The following MPRIP variants were observed in gnomAD, a reference collection of about 807,000 sequenced individuals.
MPRIP encodes the protein myosin phosphatase Rho interacting protein.
A neutral mutation model predicts 234.9 loss-of-function variants in MPRIP; 59 were observed. That is an observed-to-expected ratio of 0.25 (90% CI 0.20 to 0.31). The LOEUF is 0.31. Ranked by LOEUF, MPRIP falls within the 10% of genes least tolerant of loss-of-function variation. MPRIP has a pLI of 1.00. For synonymous variants in MPRIP, 1,144 were observed against 1,263.9 expected (o/e 0.91, Z 2.01); for missense variants, 2,436 against 3,071.0 (o/e 0.79, Z 4.89).
At chr17:17,075,222 G>A (rs4078061) in intron 1 of MPRIP, among the ~76,000 whole-genome samples, 4,319 of 152,270 alleles carry the variant, frequency 0.028, 91 homozygotes, top group Non-Finnish European at 0.038. Flanking sequence ...GTTTCTGCAC[G>A]CAGTCACACA....
chr17:17,089,720 A>G (rs990488663), intron 3 of MPRIP, among the ~76,000 whole-genome samples: 6 of 152,116 alleles, frequency 3.9e-5, no homozygotes, highest in Admixed American at 1.3e-4. Flanking sequence ...AGATGGGGCC[A>G]CCAGAGACTG....
intron 3 of MPRIP, chr17:17,096,887 A>G (rs4985695): frequency 0.083 from 37,230 of 447,904 alleles, 2,448 homozygotes; most frequent in Admixed American, 0.17. Flanking sequence ...ATAAATATGA[A>G]AAAGCATCCT....
intron 23 of MPRIP, 74 bp downstream of exon 23, chr17:17,180,162 G>A (rs753719303): frequency 3.2e-6 from 4 of 1,244,336 alleles, no homozygotes; most frequent in African/African-American, 3.1e-5. Context: ...ATTGAAGTAT[G>A]AGTGCTCCCA....
At chr17:17,140,359 G>A (rs1164200374) in intron 7 of MPRIP, among the ~76,000 whole-genome samples, 1 of 152,106 alleles carries the variant, frequency 6.6e-6, no homozygotes, top group Non-Finnish European at 1.5e-5. Context: ...ACTGCCACAC[G>A]GGGATGGGTT....
chr17:17,100,373 A>T (rs1224534522), intron 3 of MPRIP, among the ~76,000 whole-genome samples: 1 of 152,206 alleles, frequency 6.6e-6, no homozygotes, highest in Non-Finnish European at 1.5e-5. Flanking sequence ...GAACCAGTCA[A>T]AACAAACGAA....
intron 1 of MPRIP, among the ~76,000 whole-genome samples, chr17:17,065,381 ATT>A (rs59705934): frequency 0.094 from 10,526 of 111,954 alleles, 454 homozygotes; most frequent in East Asian, 0.19. Context: ...GCTTGAGATG[ATT>A]TTTTTTTTTT....
At chr17:17,176,794 G>T (rs1307911645) in intron 21 of MPRIP, among the ~76,000 whole-genome samples, 3 of 152,244 alleles carry the variant, frequency 2.0e-5, no homozygotes, top group African/African-American at 4.8e-5. Flanking sequence ...CCTGTGAAGT[G>T]AGGCAAGGCT....
rs34685418 is a variant in MPRIP at position 17,148,368 on chromosome 17, C to CT, written c.1629+989dup. Among the ~76,000 whole-genome samples the CT allele has an allele frequency of 2.6e-3, 398 of 152,120 alleles. 2 individuals are homozygous for CT. Among genetic ancestry groups the CT allele is most frequent in the Non-Finnish European group, 5.1e-3 (347 of 67,994 alleles). On this transcript the variant is annotated intron_variant, in intron 11 of 23. Coordinates refer to ENST00000651222, the MANE Select transcript of MPRIP (RefSeq NM_001364716.4). ...ATTTGTAATATTAAGATGTCATTGA[C>CT]TTTTTTTTGCGTGTGACCATCTGCA... is the stretch of plus-strand genomic sequence containing the variant.
intron 22 of MPRIP, chr17:17,178,569 C>A (rs2046306466): frequency 6.6e-6 from 1 of 151,942 alleles, no homozygotes; most frequent in South Asian, 2.1e-4. Flanking sequence ...TAGGGGATCA[C>A]CAGGTTGCCT....
At chr17:17,184,207 C>T (rs2046429099) in intron 23 of MPRIP, among the ~76,000 whole-genome samples, 1 of 152,236 alleles carries the variant, frequency 6.6e-6, no homozygotes, top group South Asian at 2.1e-4. Context: ...TCCACGTGAA[C>T]AGAGTATTGG....
At chr17:17,159,712 C>T (rs905095540) in intron 14 of MPRIP, among the ~76,000 whole-genome samples, 7 of 152,194 alleles carry the variant, frequency 4.6e-5, no homozygotes, top group Non-Finnish European at 8.8e-5. Context: ...CAGGGAGTCT[C>T]GTAGCTGGGG....
rs570439347 is a variant in MPRIP at position 17,043,541 on chromosome 17, A to G, written c.123+570A>G. Among the ~76,000 whole-genome samples, 25 of 152,250 alleles carry G rather than the reference A, an allele frequency of 1.6e-4. No homozygotes were observed. In the South Asian group the frequency reaches 5.2e-3, roughly 32 times the overall value. ...GGACCAGTTCCCTGGTCACTGGCCGAGGGGTGAGGAGACCTGTGGGTCCTC... is the reference window on the plus strand; with the variant it reads ...GGACCAGTTCCCTGGTCACTGGCCGGGGGGTGAGGAGACCTGTGGGTCCTC... On this transcript the variant is annotated intron_variant, in intron 1 of 23. Transcript: ENST00000651222.
chr17:17,052,400 TG>T (rs2088568918), intron 1 of MPRIP, among the ~76,000 whole-genome samples: 3 of 152,178 alleles, frequency 2.0e-5, no homozygotes, highest in Admixed American at 2.0e-4. Flanking sequence ...AGGGACCTGC[TG>T]GGGCTGTCTG....
intron 21 of MPRIP, 44 bp downstream of exon 21, chr17:17,176,556 C>T (rs570978575): frequency 4.1e-6 from 6 of 1,463,658 alleles, no homozygotes; most frequent in Non-Finnish European, 5.7e-6. Context: ...GGAACAGGCT[C>T]TAGGTGACAT....
intron 3 of MPRIP, among the ~76,000 whole-genome samples, chr17:17,094,476 T>C (rs2089793427): frequency 6.6e-6 from 1 of 152,134 alleles, no homozygotes; most frequent in South Asian, 2.1e-4. Flanking sequence ...TGCCTTGGTG[T>C]GGATTTGTTT....
At position 17,190,921 on chromosome 17, in the gene MPRIP, T is replaced by A. The variant is rs1419479058; in HGVS notation, c.*6027T>A. ...TTAGAGCAAGCAATGTAAATATTAC[T>A]GAGAAGTTACTGCAGGGATTTTTGT... is the stretch of plus-strand genomic sequence containing the variant. On this transcript the variant is annotated 3_prime_UTR_variant, in exon 24 of 24. Transcript: ENST00000651222. 1.3e-5 allele frequency: 2 copies of A among 152,250 alleles called. No individual in the cohort carries two copies. The highest frequency in any genetic ancestry group is 4.8e-5 in the African/African-American group (2 of 41,462). 9.4% of individuals were successfully genotyped at this position (152,250 alleles called of 1,614,324 possible).
chr17:17,091,375 A>T (rs567037998), intron 3 of MPRIP, among the ~76,000 whole-genome samples: 1 of 152,052 alleles, frequency 6.6e-6, no homozygotes, highest in African/African-American at 2.4e-5. Flanking sequence ...GGTCCCCACT[A>T]TCACTCCCAG....
intron 1 of MPRIP, among the ~76,000 whole-genome samples, chr17:17,061,409 T>C (rs1405938697): frequency 6.6e-6 from 1 of 152,236 alleles, no homozygotes. Context: ...AGTGTGGAAG[T>C]GTTTCCACAG....
chr17:17,187,999 G>C lies in MPRIP; in HGVS notation c.*3105G>C, dbSNP rs1337149214. 2.0e-5 allele frequency: 3 copies of C among 152,262 alleles called. No individual in the cohort carries two copies. The highest frequency in any genetic ancestry group is 7.2e-5 in the African/African-American group (3 of 41,466). 9.4% of individuals were successfully genotyped at this position (152,262 alleles called of 1,614,324 possible). On this transcript the variant is annotated 3_prime_UTR_variant, in exon 24 of 24. Transcript: ENST00000651222. ...GCCACACATATGAATGGGAAAGCGA[G>C]GCAGTTGTGCTCGTGTGAGTTTCTG...
Sources: gnomAD v4.1 joint callset for allele counts (sites outside exome capture counted in the v4.1 genomes callset) on GRCh38, gnomAD v4.1.1 for gene constraint, MANE v1.5 for transcripts, NCBI Gene and HGNC (gene_info 2026-07-23, HGNC 2026-07-21) for gene names.